RBFOX1: variants seen among roughly 807,000 people sequenced by gnomAD.
RBFOX1 encodes RNA binding fox-1 homolog 1.
A neutral mutation model predicts 57.7 loss-of-function variants in RBFOX1; 8 were observed. The ratio of observed to expected loss-of-function variants is 0.14; its 90% CI spans 0.08 to 0.25. The LOEUF (loss-of-function observed/expected upper bound fraction) is 0.25. Ranked by LOEUF, RBFOX1 falls within the 10% of genes least tolerant of loss-of-function variation. RBFOX1 has a pLI of 1.00. For missense variants in RBFOX1, 611 were observed against 548.5 expected (o/e 1.11, Z -1.14); for synonymous variants, 326 against 222.4 (o/e 1.47, Z -4.15).
chr16:6,602,207 A>G (rs1372910714), intron 2 of RBFOX1, among the ~76,000 whole-genome samples: 2 of 151,026 alleles, frequency 1.3e-5, no homozygotes, highest in African/African-American at 4.9e-5. Context: ...TTCTTTATAC[A>G]TTCTCGGTAT....
intron 2 of RBFOX1, among the ~76,000 whole-genome samples, chr16:6,603,291 G>C (rs1221009129): frequency 6.6e-6 from 1 of 152,188 alleles, no homozygotes; most frequent in Non-Finnish European, 1.5e-5. Context: ...CACATTGCCA[G>C]AGCTTCTGAT....
intron 4 of RBFOX1, among the ~76,000 whole-genome samples, chr16:7,243,939 A>C (rs2094178225): frequency 6.6e-6 from 1 of 151,410 alleles, no homozygotes; most frequent in African/African-American, 2.4e-5. Context: ...GAGATTCATT[A>C]AACCTCTGAA....
intron 2 of RBFOX1, among the ~76,000 whole-genome samples, chr16:6,644,792 A>T (rs2098520259): frequency 1.3e-5 from 2 of 152,068 alleles, no homozygotes; most frequent in Admixed American, 1.3e-4. Flanking sequence ...CTTTTAAGGA[A>T]TTTTTCTTGT....
chr16:6,950,031 C>G (rs1382220290), intron 3 of RBFOX1, among the ~76,000 whole-genome samples: 3 of 151,306 alleles, frequency 2.0e-5, no homozygotes, highest in Non-Finnish European at 4.4e-5. Flanking sequence ...GCTGCAACGT[C>G]TGCCTCCTGG....
chr16:6,743,284 A>G (rs1000989156), intron 3 of RBFOX1, among the ~76,000 whole-genome samples: 1 of 152,194 alleles, frequency 6.6e-6, no homozygotes, highest in Non-Finnish European at 1.5e-5. Context: ...GTTGGGACAA[A>G]TGAAAAACCA....
intron 1 of RBFOX1, among the ~76,000 whole-genome samples, chr16:6,089,148 A>G (rs1246911326): frequency 6.6e-6 from 1 of 151,990 alleles, no homozygotes; most frequent in Non-Finnish European, 1.5e-5. Flanking sequence ...AGGACCACCA[A>G]GTGATCATTT....
intron 1 of RBFOX1, among the ~76,000 whole-genome samples, chr16:5,262,427 A>G (rs946510835): frequency 6.6e-5 from 10 of 152,252 alleles, no homozygotes; most frequent in African/African-American, 2.4e-4. Context: ...GTAGAGTCAC[A>G]GAGAATTTGC....
chr16:5,903,798 G>A (rs2058371381), intron 4 of RBFOX1, among the ~76,000 whole-genome samples: 1 of 152,116 alleles, frequency 6.6e-6, no homozygotes, highest in South Asian at 2.1e-4. Flanking sequence ...GCCCCAGGAA[G>A]GATGCATCCC....
At chr16:5,651,584 G>A (rs543118614) in intron 3 of RBFOX1, among the ~76,000 whole-genome samples, 79 of 152,186 alleles carry the variant, frequency 5.2e-4, no homozygotes, top group African/African-American at 1.6e-3. Flanking sequence ...TGAGCACCCC[G>A]TCCTGTCCTG....
intron 2 of RBFOX1, among the ~76,000 whole-genome samples, chr16:5,501,645 A>G (rs2043201316): frequency 6.6e-6 from 1 of 152,200 alleles, no homozygotes; most frequent in South Asian, 2.1e-4. Context: ...ATTAAATGAG[A>G]TGATGCCGTC....
chr16:7,202,086 A>T (rs1272894305), intron 4 of RBFOX1, among the ~76,000 whole-genome samples: 1 of 152,172 alleles, frequency 6.6e-6, no homozygotes, highest in Non-Finnish European at 1.5e-5. Context: ...TCCAAAAATC[A>T]ATATGGGTTA....
intron 4 of RBFOX1, among the ~76,000 whole-genome samples, chr16:7,162,810 C>A (rs1345143263): frequency 6.6e-6 from 1 of 152,140 alleles, no homozygotes; most frequent in Non-Finnish European, 1.5e-5. Context: ...TCCTCTTTCT[C>A]CTTCTTCCTC....
At chr16:7,204,957 C>T (rs771344894) in intron 4 of RBFOX1, among the ~76,000 whole-genome samples, 13 of 152,130 alleles carry the variant, frequency 8.5e-5, no homozygotes, top group Non-Finnish European at 1.9e-4. Context: ...AATTCCTTGT[C>T]TTTTTTGTCC....
intron 3 of RBFOX1, chr16:6,704,652 A>G (rs2062417433): frequency 6.6e-6 from 1 of 152,522 alleles, no homozygotes; most frequent in South Asian, 2.1e-4. Flanking sequence ...ACAGGGAGAG[A>G]GAGAGAGCCT....
chr16:6,122,458 C>A (rs1339083047), intron 1 of RBFOX1, among the ~76,000 whole-genome samples: 1 of 152,050 alleles, frequency 6.6e-6, no homozygotes, highest in Non-Finnish European at 1.5e-5. Context: ...TTTATGAATT[C>A]CCTAATCCTT....
chr16:6,508,403 G>C (rs374984915), intron 2 of RBFOX1, among the ~76,000 whole-genome samples: 3 of 151,992 alleles, frequency 2.0e-5, no homozygotes, highest in East Asian at 3.9e-4. Flanking sequence ...TAACACTCCT[G>C]AACTGTACAC....
intron 2 of RBFOX1, among the ~76,000 whole-genome samples, chr16:6,608,187 C>G (rs1346769355): frequency 1.3e-5 from 2 of 152,140 alleles, no homozygotes; most frequent in Non-Finnish European, 2.9e-5. Flanking sequence ...GAGTCTGTAT[C>G]CTTGGTATCA....
intron 5 of RBFOX1, among the ~76,000 whole-genome samples, chr16:7,523,942 C>G (rs771102031): frequency 5.9e-5 from 9 of 152,142 alleles, no homozygotes; most frequent in African/African-American, 2.2e-4. Context: ...TCCTGTGGAA[C>G]GAATTTAACC....
chr16:5,507,900 A>T (rs2043433795), intron 2 of RBFOX1, among the ~76,000 whole-genome samples: 1 of 152,106 alleles, frequency 6.6e-6, no homozygotes, highest in African/African-American at 2.4e-5. Context: ...CCTCCATCTT[A>T]GAGTTCTGCC....
Sources: gnomAD v4.1 joint callset for allele counts (sites outside exome capture counted in the v4.1 genomes callset) on GRCh38, gnomAD v4.1.1 for gene constraint, MANE v1.5 for transcripts, NCBI Gene and HGNC (gene_info 2026-07-23, HGNC 2026-07-21) for gene names.